The following SREBF2 variants were observed in gnomAD, a reference collection of about 807,000 sequenced individuals.
SREBF2 encodes sterol regulatory element-binding protein 2.
A neutral mutation model predicts 113.1 loss-of-function variants in SREBF2; 55 were observed. The observed-to-expected ratio is 0.49, with a 90% CI of 0.39 to 0.61. The LOEUF (loss-of-function observed/expected upper bound fraction) is 0.61, where lower values mean the gene tolerates loss of function less well. Among genes scored for constraint, SREBF2 ranks in the 20% least tolerant of loss-of-function variants. The pLI is 0.00. For synonymous variants in SREBF2, 593 were observed against 605.7 expected, an observed-to-expected ratio of 0.98 and a Z score of 0.31; for missense variants, 1,349 against 1,487.4, an observed-to-expected ratio of 0.91 and a Z score of 1.53.
rs1424809577 is a variant in SREBF2, at chr22:41,833,436, G to C, written c.88+78G>C. On this transcript the variant is annotated intron_variant, in intron 1 of 18. Coordinates refer to ENST00000361204, the MANE Select transcript of SREBF2 (RefSeq NM_004599.4). The surrounding 1 kb of genome is among the most constrained non-coding windows in gnomAD (Gnocchi z 4.1). ...CGGCGGCGCGCCCGGGTGCGCGTGC[G>C]CCCACCCCCCGACAGCCCCGGTTCG... The C allele has an allele frequency of 1.6e-5, 21 of 1,313,094 alleles. No homozygotes were observed. The highest frequency in any genetic ancestry group is 4.6e-4 in the Middle Eastern group (2 of 4,336). 81.3% of individuals were successfully genotyped at this position (1,313,094 alleles called of 1,614,324 possible).
chr22:41,848,741 C>G (rs964664294), intron 1 of SREBF2, among the ~76,000 whole-genome samples: 1 of 152,152 alleles, frequency 6.6e-6, no homozygotes, highest in Non-Finnish European at 1.5e-5. Context: ...CGCTCCCCAC[C>G]TGCCTGAGAT....
chr22:41,858,352 C>CA (rs2076996075), intron 1 of SREBF2, among the ~76,000 whole-genome samples: 1 of 152,184 alleles, frequency 6.6e-6, no homozygotes. Context: ...TTAAGCGTTA[C>CA]ACAGAAGCCA....
At chr22:41,853,229 T>C (rs1276715710) in intron 1 of SREBF2, among the ~76,000 whole-genome samples, 1 of 152,062 alleles carries the variant, frequency 6.6e-6, no homozygotes, top group African/African-American at 2.4e-5. Flanking sequence ...CCACCATGAG[T>C]TGTAGGGCCC....
intron 1 of SREBF2, among the ~76,000 whole-genome samples, chr22:41,844,039 C>CACACAG (rs767256718): frequency 1.4e-5 from 2 of 139,516 alleles, no homozygotes; most frequent in Admixed American, 1.4e-4. Flanking sequence ...TACATACACA[C>CACACAG]ACACACACAC....
intron 1 of SREBF2, among the ~76,000 whole-genome samples, chr22:41,864,414 G>A (rs1197900073): frequency 1.4e-5 from 2 of 145,664 alleles, no homozygotes; most frequent in Admixed American, 6.9e-5. Context: ...TCTGCCTCCC[G>A]GGTTCACTCC....
intron 11 of SREBF2, among the ~76,000 whole-genome samples, chr22:41,885,292 A>G (rs905485520): frequency 6.6e-6 from 1 of 152,242 alleles, no homozygotes; most frequent in Admixed American, 6.5e-5. Context: ...GTTCAGCAAT[A>G]GCAGAGCTAC....
At chr22:41,861,995 T>G (rs946177932) in intron 1 of SREBF2, among the ~76,000 whole-genome samples, 2 of 152,154 alleles carry the variant, frequency 1.3e-5, no homozygotes, top group African/African-American at 4.8e-5. Flanking sequence ...ATAAATGACC[T>G]TTGTAAACTA....
At position 41,896,919 on chromosome 22, in the gene SREBF2, G is replaced by A. The variant is rs2269660; in HGVS notation, c.2496-133G>A. 47,309 of 673,918 alleles carry A rather than the reference G, an allele frequency of 0.07. 1,828 individuals carry two copies. Among genetic ancestry groups the A allele is most frequent in the Non-Finnish European group, 0.079 (29,195 of 369,154 alleles). 41.7% of individuals were successfully genotyped at this position (673,918 alleles called of 1,614,324 possible). ...AAGGGTACACATAGACAGCGCTTGCGTGTGCCTGGGATGACAGGAAAGGGA... is the reference window on the plus strand; with the variant it reads ...AAGGGTACACATAGACAGCGCTTGCATGTGCCTGGGATGACAGGAAAGGGA... On this transcript the variant is annotated intron_variant, in intron 13 of 18. Coordinates refer to ENST00000361204, the MANE Select transcript of SREBF2 (RefSeq NM_004599.4).
At chr22:41,853,777 T>G (rs910099029) in intron 1 of SREBF2, among the ~76,000 whole-genome samples, 7 of 152,204 alleles carry the variant, frequency 4.6e-5, no homozygotes, top group African/African-American at 1.4e-4. Context: ...GGCTCACGCC[T>G]GTAATCCCAG....
chr22:41,836,884 G>C (rs1224303493), intron 1 of SREBF2, among the ~76,000 whole-genome samples: 1 of 152,166 alleles, frequency 6.6e-6, no homozygotes, highest in Non-Finnish European at 1.5e-5. Flanking sequence ...GGTGCAGGCA[G>C]GCAAGGATCC....
intron 1 of SREBF2, among the ~76,000 whole-genome samples, chr22:41,864,136 C>T (rs2077048933): frequency 6.7e-6 from 1 of 148,294 alleles, no homozygotes; most frequent in Non-Finnish European, 1.5e-5. Context: ...GCCTTGGCCT[C>T]CCAAAGTGCT....
chr22:41,858,971 G>T (rs570352030), intron 1 of SREBF2, among the ~76,000 whole-genome samples: 5 of 151,882 alleles, frequency 3.3e-5, no homozygotes, highest in African/African-American at 1.2e-4. Flanking sequence ...GTGAAACCCC[G>T]TCTCTACTGG....
At chr22:41,836,370 A>C (rs1204525879) in intron 1 of SREBF2, among the ~76,000 whole-genome samples, 1 of 152,240 alleles carries the variant, frequency 6.6e-6, no homozygotes, top group Non-Finnish European at 1.5e-5. Context: ...TTAAAATTGC[A>C]CAGCACAACA....
At chr22:41,862,248 G>A (rs1339518333) in intron 1 of SREBF2, among the ~76,000 whole-genome samples, 2 of 152,098 alleles carry the variant, frequency 1.3e-5, no homozygotes, top group South Asian at 2.1e-4. Context: ...GTGAACTCAG[G>A]GTCTCTTTGT....
In SREBF2 at chr22:41,903,283, G is replaced by GC; in HGVS notation, c.3093+129dup. Reference sequence around the variant, plus strand: ...TGAGGTCAGCCTGGTGACCTGTCGAGCACCTGCTTGGCTCGTGCCCAACAC... The same window carrying GC: ...TGAGGTCAGCCTGGTGACCTGTCGAGCCACCTGCTTGGCTCGTGCCCAACAC... On this transcript the variant is annotated intron_variant, in intron 17 of 18. Coordinates refer to ENST00000361204, the MANE Select transcript of SREBF2 (RefSeq NM_004599.4). 4.3e-6 allele frequency: 5 copies of GC among 1,164,030 alleles called. No homozygotes were observed. The South Asian group carries it at 5.3e-5, about 12-fold the overall frequency. The allele number at this position is 1,164,030 out of a possible 1,614,324, so 72.1% of individuals were successfully genotyped here.
chr22:41,878,820 T>C (rs2077220698), intron 9 of SREBF2: 11 of 1,097,216 alleles, frequency 1.0e-5, no homozygotes, highest in Non-Finnish European at 1.4e-5. Context: ...GAGAATCTGA[T>C]TGGCCATCCT....
chr22:41,864,281 CACAA>C (rs2077053735), intron 1 of SREBF2, among the ~76,000 whole-genome samples: 1 of 124,042 alleles, frequency 8.1e-6, no homozygotes. Flanking sequence ...CACACACACA[CACAA>C]AATATCAAAA....
chr22:41,874,170 C>A, intron 5 of SREBF2, 151 bp downstream of exon 5: 2 of 802,462 alleles, frequency 2.5e-6, no homozygotes, highest in African/African-American at 1.7e-5. Context: ...GGTGTCATGT[C>A]AAGATTATAA....
At chr22:41,892,647 CAAAAAAAAA>C in intron 11 of SREBF2, among the ~76,000 whole-genome samples, 1 of 76,956 alleles carries the variant, frequency 1.3e-5, no homozygotes, top group South Asian at 4.8e-4. Flanking sequence ...AACTCCGTCT[CAAAAAAAAA>C]AAAAAAAAAA....
Sources: gnomAD v4.1 joint callset for allele counts (sites outside exome capture counted in the v4.1 genomes callset) on GRCh38, gnomAD v4.1.1 for gene constraint, Gnocchi (gnomAD v3.1) non-coding constraint, MANE v1.5 for transcripts, NCBI Gene and HGNC (gene_info 2026-07-23, HGNC 2026-07-21) for gene names.